PPFIA2: variants seen among roughly 807,000 people sequenced by gnomAD.
PPFIA2 encodes PPFI scaffold protein A2.
Under a neutral mutation model 175.5 loss-of-function variants are expected in PPFIA2, and 46 were observed. That is an observed-to-expected ratio of 0.26 (90% CI 0.21 to 0.34). The LOEUF is 0.34. Among genes scored for constraint, PPFIA2 ranks in the 10% least tolerant of loss-of-function variants. PPFIA2 has a pLI of 1.00. For missense variants in PPFIA2, 1,179 were observed against 1,506.1 expected (o/e 0.78, Z 3.60); for synonymous variants, 568 against 511.4 (o/e 1.11, Z -1.49).
chr12:81,614,779 T>A (rs2061284092), intron 4 of PPFIA2, among the ~76,000 whole-genome samples: 1 of 152,158 alleles, frequency 6.6e-6, no homozygotes, highest in Non-Finnish European at 1.5e-5. Flanking sequence ...AAATATGAGG[T>A]TGCCCTTTAT....
chr12:81,696,580 A>G (rs2075916863), intron 3 of PPFIA2, among the ~76,000 whole-genome samples: 1 of 152,156 alleles, frequency 6.6e-6, no homozygotes, highest in Non-Finnish European at 1.5e-5. Context: ...CAAATCTGAC[A>G]ATATTTTTAC....
In PPFIA2 at chr12:81,374,723, C is replaced by G. The variant is rs1431574169; in HGVS notation, c.1177G>C (p.Glu393Gln). The G allele has an allele frequency of 1.2e-6, 2 of 1,613,272 alleles. No individual in the cohort carries two copies. The highest frequency in any genetic ancestry group is 1.7e-6 in the Non-Finnish European group (2 of 1,179,484). ...CTCATGGTCTGCTGCAACTTTTGTT[C>G]AGCTAGCTCAAGACGTTCTTGTAAC... ...RQLQERLELA[E>Q]QKLQQTMRKA... Residue 393 changes from glutamate to glutamine, a missense_variant, in exon 11 of 33, where the codon GAA (glutamate) becomes CAA (glutamine). This residue lies in a region of PPFIA2 where 226 missense variants were observed against 216.6 expected (regional missense o/e 1.04). Transcript: ENST00000549396.
intron 4 of PPFIA2, among the ~76,000 whole-genome samples, chr12:81,636,043 T>C (rs2063967166): frequency 6.6e-6 from 1 of 152,214 alleles, no homozygotes; most frequent in Non-Finnish European, 1.5e-5. Flanking sequence ...TAGATTTCTA[T>C]GTTTTTTAAT....
At chr12:81,576,631 CCA>C (rs2073603937) in intron 4 of PPFIA2, among the ~76,000 whole-genome samples, 1 of 151,550 alleles carries the variant, frequency 6.6e-6, no homozygotes, top group Non-Finnish European at 1.5e-5. Flanking sequence ...TATCACAAAC[CCA>C]AAAGTAAATA....
At chr12:81,753,494 T>A (rs1192120483) in intron 3 of PPFIA2, among the ~76,000 whole-genome samples, 7 of 149,634 alleles carry the variant, frequency 4.7e-5, no homozygotes, top group African/African-American at 1.5e-4. Flanking sequence ...ATATTAGTAA[T>A]TCCAAGAATT....
intron 4 of PPFIA2, among the ~76,000 whole-genome samples, chr12:81,481,121 T>C (rs951074292): frequency 4.6e-5 from 7 of 152,176 alleles, no homozygotes; most frequent in Non-Finnish European, 1.0e-4. Flanking sequence ...AGCCAAATCA[T>C]GAGTGAACTA....
intron 4 of PPFIA2, among the ~76,000 whole-genome samples, chr12:81,530,868 G>C (rs750862408): frequency 1.3e-5 from 2 of 151,826 alleles, no homozygotes; most frequent in Non-Finnish European, 2.9e-5. Context: ...TAGAAGTCAG[G>C]CTCGTGATTG....
rs1057170339 is a variant in PPFIA2, at chr12:81,299,325, C to T, written c.2700G>A (p.Gly900=). ...RKGLPFAQWD[G]PTVVAWLELW... is the part of the protein sequence containing the mutation. ...CCTCTAGCCATGCGACCACAGTTGGCCCATCCCACTGGGCAAAAGGTAATC... is the reference window on the plus strand; with the variant it reads ...CCTCTAGCCATGCGACCACAGTTGGTCCATCCCACTGGGCAAAAGGTAATC... The change falls in exon 23 of 33, where the codon GGG becomes GGA. Residue 900 remains glycine, a synonymous_variant. Transcript: ENST00000549396. The T allele has an allele frequency of 1.9e-6, 3 of 1,596,026 alleles. No homozygotes were observed. The highest frequency in any genetic ancestry group is 1.3e-5 in the African/African-American group (1 of 74,614).
chr12:81,372,733 T>C (rs1389836448), intron 11 of PPFIA2, among the ~76,000 whole-genome samples: 7 of 151,348 alleles, frequency 4.6e-5, no homozygotes, highest in Non-Finnish European at 1.0e-4. Context: ...ATGGTCATAA[T>C]ATAAAAAGTA....
chr12:81,328,842 G>T (rs1231172102), intron 21 of PPFIA2, among the ~76,000 whole-genome samples: 2 of 146,784 alleles, frequency 1.4e-5, no homozygotes, highest in East Asian at 2.0e-4. Context: ...TTTAAACAGG[G>T]TCTCAGTCTC....
intron 3 of PPFIA2, among the ~76,000 whole-genome samples, chr12:81,715,564 T>C (rs2078500818): frequency 6.6e-6 from 1 of 151,688 alleles, no homozygotes; most frequent in South Asian, 2.1e-4. Flanking sequence ...CCCAGTAAGA[T>C]TAAGGTGATG....
intron 4 of PPFIA2, among the ~76,000 whole-genome samples, chr12:81,630,894 TA>T (rs2063300481): frequency 3.3e-5 from 2 of 60,586 alleles, no homozygotes; most frequent in Non-Finnish European, 6.5e-5. Flanking sequence ...TATATATATA[TA>T]TATATTTTTT....
At chr12:81,730,111 C>A (rs183398646) in intron 3 of PPFIA2, among the ~76,000 whole-genome samples, 1 of 151,596 alleles carries the variant, frequency 6.6e-6, no homozygotes, top group Non-Finnish European at 1.5e-5. Flanking sequence ...AATTTGTGAT[C>A]ACGTGTTACA....
intron 28 of PPFIA2, among the ~76,000 whole-genome samples, chr12:81,270,042 A>C (rs890537999): frequency 7.9e-5 from 12 of 152,170 alleles, no homozygotes; most frequent in Non-Finnish European, 1.6e-4. Context: ...ATGTAACCTA[A>C]CACCACCTGT....
intron 4 of PPFIA2, among the ~76,000 whole-genome samples, chr12:81,536,476 G>C (rs1368061797): frequency 6.6e-6 from 1 of 150,712 alleles, no homozygotes; most frequent in Non-Finnish European, 1.5e-5. Context: ...GACAAGTATT[G>C]TTTCCCCAAA....
chr12:81,488,080 T>C (rs1448387120), intron 4 of PPFIA2, among the ~76,000 whole-genome samples: 1 of 151,934 alleles, frequency 6.6e-6, no homozygotes, highest in Non-Finnish European at 1.5e-5. Context: ...AGTTTTCCTA[T>C]GTAACATTAC....
At chr12:81,631,345 G>GA (rs1013650309) in intron 4 of PPFIA2, among the ~76,000 whole-genome samples, 170 of 151,856 alleles carry the variant, frequency 1.1e-3, no homozygotes, top group Non-Finnish European at 1.1e-3. Context: ...GTTGTCTGAT[G>GA]AAAAAAAATA....
At chr12:81,587,129 A>G (rs148321942) in intron 4 of PPFIA2, among the ~76,000 whole-genome samples, 70 of 152,062 alleles carry the variant, frequency 4.6e-4, no homozygotes, top group African/African-American at 1.4e-3. Context: ...TTTAATTCCA[A>G]TGGTCATTGA....
chr12:81,368,276 T>C, intron 13 of PPFIA2: 1 of 651,218 alleles, frequency 1.5e-6, no homozygotes, highest in Non-Finnish European at 2.4e-6. Flanking sequence ...CTACTGGGAT[T>C]GATACTAGTT....
Sources: allele counts gnomAD v4.1 joint callset (sites outside exome capture counted in the v4.1 genomes callset), GRCh38; gene constraint gnomAD v4.1.1; regional missense constraint gnomAD v4.1.1; transcripts MANE v1.5; gene names NCBI Gene and HGNC (gene_info 2026-07-23, HGNC 2026-07-21).